The following ATRNL1 variants were observed in gnomAD, a reference collection of about 807,000 sequenced individuals.
ATRNL1 encodes the protein attractin-like protein 1.
A neutral mutation model predicts 182.7 loss-of-function variants in ATRNL1; 95 were observed. The ratio of observed to expected loss-of-function variants is 0.52; its 90% confidence interval spans 0.44 to 0.62. The LOEUF (loss-of-function observed/expected upper bound fraction) is 0.62, where lower values mean the gene tolerates loss of function less well. Among genes scored for constraint, ATRNL1 ranks in the 20% least tolerant of loss-of-function variants. ATRNL1 has a pLI of 0.00. For missense variants in ATRNL1, 1,471 were observed against 1,679.5 expected (o/e 0.88, Z 2.17); for synonymous variants, 576 against 568.3 (o/e 1.01, Z -0.19).
intron 20 of ATRNL1, among the ~76,000 whole-genome samples, chr10:115,400,918 T>C (rs1844534673): frequency 6.6e-6 from 1 of 152,078 alleles, no homozygotes; most frequent in African/African-American, 2.4e-5. Context: ...TGTCTTTTAA[T>C]TGGGGGCATT....
intron 27 of ATRNL1, among the ~76,000 whole-genome samples, chr10:115,741,094 CA>C (rs1265742367): frequency 1.3e-5 from 2 of 152,016 alleles, no homozygotes; most frequent in African/African-American, 4.8e-5. Flanking sequence ...CAAAGCAATA[CA>C]GGAGGTAGAT....
At chr10:115,879,071 C>T (rs924980379) in intron 28 of ATRNL1, among the ~76,000 whole-genome samples, 53 of 274 alleles carry the variant, frequency 0.19, no homozygotes, top group African/African-American at 0.43. Context: ...ATTACAGCAC[C>T]CCCCCAGGGG....
intron 8 of ATRNL1, among the ~76,000 whole-genome samples, chr10:115,205,080 A>T (rs1398429364): frequency 6.6e-6 from 1 of 151,998 alleles, no homozygotes; most frequent in East Asian, 1.9e-4. Context: ...GTGACGATTT[A>T]TATATTTTAT....
intron 28 of ATRNL1, among the ~76,000 whole-genome samples, chr10:115,905,103 A>T (rs1404173581): frequency 6.6e-6 from 1 of 152,210 alleles, no homozygotes; most frequent in Non-Finnish European, 1.5e-5. Flanking sequence ...CCCAAACGAG[A>T]AAGTGAGCTA....
At chr10:115,789,400 G>A (rs1454672337) in intron 27 of ATRNL1, among the ~76,000 whole-genome samples, 5 of 152,096 alleles carry the variant, frequency 3.3e-5, no homozygotes, top group African/African-American at 1.2e-4. Flanking sequence ...AGCCTGAATC[G>A]CTGCATCTCC....
At chr10:115,580,963 G>T (rs1555007126) in intron 26 of ATRNL1, among the ~76,000 whole-genome samples, 1 of 152,060 alleles carries the variant, frequency 6.6e-6, no homozygotes, top group Non-Finnish European at 1.5e-5. Flanking sequence ...TGACCGTGGT[G>T]TGAACACCCA....
At chr10:115,304,022 A>G (rs143228273) in intron 17 of ATRNL1, among the ~76,000 whole-genome samples, 1 of 152,096 alleles carries the variant, frequency 6.6e-6, no homozygotes, top group East Asian at 1.9e-4. Flanking sequence ...ATCTCTCTTC[A>G]TTTGTCATAT....
chr10:115,167,383 G>T (rs1847095143), intron 7 of ATRNL1, among the ~76,000 whole-genome samples: 1 of 151,762 alleles, frequency 6.6e-6, no homozygotes, highest in Non-Finnish European at 1.5e-5. Flanking sequence ...GGCTATTCAG[G>T]GTCCCTTGAA....
rs115015096 is a variant in ATRNL1 at position 115,334,182 on chromosome 10, C to T, written c.3038-100C>T. On this transcript the variant is annotated intron_variant, in intron 18 of 28. Transcript: ENST00000355044. ...AAACTTGGAAGATGCTCTTTGGGCA[C>T]TTTTACAATCCAGCTTTTTAAGATA... The T allele has an allele frequency of 3.7e-3, 2,923 of 789,562 alleles. 45 individuals carry two copies. The African/African-American group carries it at 0.044, about 12-fold the overall frequency. 48.9% of individuals were successfully genotyped at this position (789,562 alleles called of 1,614,324 possible).
intron 26 of ATRNL1, among the ~76,000 whole-genome samples, chr10:115,634,776 A>G (rs942971991): frequency 3.9e-5 from 6 of 152,178 alleles, no homozygotes; most frequent in African/African-American, 1.2e-4. Flanking sequence ...TAAAGAGGTT[A>G]TAAGTCTACA....
intron 26 of ATRNL1, among the ~76,000 whole-genome samples, chr10:115,702,971 CA>C (rs1347895019): frequency 1.3e-5 from 2 of 151,808 alleles, no homozygotes; most frequent in Admixed American, 6.6e-5. Context: ...ATAGGCAAGG[CA>C]ATACTAAGCA....
At chr10:115,646,419 C>G (rs1260595703) in intron 26 of ATRNL1, among the ~76,000 whole-genome samples, 1 of 152,090 alleles carries the variant, frequency 6.6e-6, no homozygotes, top group African/African-American at 2.4e-5. Context: ...GACCCCTGTT[C>G]TTTCCATTTT....
At chr10:115,470,995 A>G (rs1848283703) in intron 24 of ATRNL1, among the ~76,000 whole-genome samples, 2 of 150,814 alleles carry the variant, frequency 1.3e-5, no homozygotes, top group East Asian at 3.9e-4. Context: ...TTCCCTTTCA[A>G]TAAGTTCATA....
At chr10:115,352,338 C>T (rs534183909) in intron 19 of ATRNL1, among the ~76,000 whole-genome samples, 2 of 151,926 alleles carry the variant, frequency 1.3e-5, no homozygotes, top group South Asian at 2.1e-4. Flanking sequence ...TTCTTCTCTT[C>T]TCCTAAGTTT....
chr10:115,603,932 T>G (rs1319203870), intron 26 of ATRNL1, among the ~76,000 whole-genome samples: 3 of 152,158 alleles, frequency 2.0e-5, no homozygotes. Flanking sequence ...GAATTCTAGG[T>G]GGACCTCTTG....
In ATRNL1 at chr10:115,093,933, G is replaced by A. The variant is rs74561952; in HGVS notation, c.183G>A (p.Lys61=). The A allele has an allele frequency of 0.022, 35,067 of 1,596,778 alleles. 453 individuals carry two copies. The highest frequency in any genetic ancestry group is 0.025 in the Middle Eastern group (146 of 5,760). ...TCTACGCGCAGGTGTCCCAGTCCAA[G>A]CCGTGCGAGAGGACCGGCTCCTGCT... ...LALYAQVSQS[K]PCERTGSCFS... is the part of the protein sequence containing the mutation. Residue 61 remains lysine (K), a synonymous_variant, in exon 1 of 29, where the codon AAG becomes AAA. Transcript: ENST00000355044. This position sits in a 1 kb window ranked among gnomAD's most constrained non-coding sequence, Gnocchi z 6.1.
At chr10:115,850,866 G>A (rs1286824053) in intron 28 of ATRNL1, among the ~76,000 whole-genome samples, 1 of 152,110 alleles carries the variant, frequency 6.6e-6, no homozygotes, top group Non-Finnish European at 1.5e-5. Flanking sequence ...GACAGGTTGG[G>A]GGAGTTGAGG....
chr10:115,374,028 A>G (rs551529838), intron 19 of ATRNL1, among the ~76,000 whole-genome samples: 99 of 151,892 alleles, frequency 6.5e-4, no homozygotes, highest in Admixed American at 1.9e-3. Flanking sequence ...ACTTTTCAAT[A>G]TTTATTTAAT....
At chr10:115,723,258 A>G (rs1947487509) in intron 26 of ATRNL1, among the ~76,000 whole-genome samples, 1 of 152,142 alleles carries the variant, frequency 6.6e-6, no homozygotes, top group Non-Finnish European at 1.5e-5. Context: ...AACCTATGCA[A>G]AAGAGTCATG....
Sources: gnomAD v4.1 joint callset for allele counts (sites outside exome capture counted in the v4.1 genomes callset) on GRCh38, gnomAD v4.1.1 for gene constraint, Gnocchi (gnomAD v3.1) non-coding constraint, MANE v1.5 for transcripts, NCBI Gene and HGNC (gene_info 2026-07-23, HGNC 2026-07-21) for gene names.